DRG1: variants seen among roughly 807,000 people sequenced by gnomAD.
DRG1 encodes developmentally regulated GTP binding protein 1, also known as developmentally-regulated GTP-binding protein 1.
Under a neutral mutation model 38.8 loss-of-function variants are expected in DRG1, and 19 were observed. The ratio of observed to expected loss-of-function variants is 0.49; its 90% CI spans 0.34 to 0.72. The LOEUF is 0.72. Ranked by LOEUF, DRG1 falls within the 30% of genes least tolerant of loss-of-function variation. The probability of loss-of-function intolerance (pLI) is 0.01; values close to 1 mark genes in which losing one functional copy is unlikely to be tolerated. For missense variants in DRG1, 299 were observed against 444.8 expected (o/e 0.67, Z 2.95); for synonymous variants, 167 against 157.5 (o/e 1.06, Z -0.45).
At chr22:31,419,284 T>C (rs1410403772) in intron 4 of DRG1, among the ~76,000 whole-genome samples, 1 of 151,790 alleles carries the variant, frequency 6.6e-6, no homozygotes, top group Admixed American at 6.6e-5. Context: ...GTCTAGGCAA[T>C]AGAGCGAGAC....
chr22:31,430,221 C>T (rs1036898655), intron 8 of DRG1, among the ~76,000 whole-genome samples: 7 of 152,066 alleles, frequency 4.6e-5, no homozygotes, highest in African/African-American at 1.7e-4. Context: ...CCTGTAGGCC[C>T]TCTCAGCAAA....
rs1313277118 is a variant in DRG1 at position 31,420,404 on chromosome 22, A to T, written c.561A>T (p.Gly187=). ...PNIGFKKKDK[G]GINLTATCPQ... Reference sequence around the variant, plus strand: ...TTGGCTTTAAGAAGAAGGACAAGGGAGGCATTAATCTCACAGCCACTGTAA... The same window carrying T: ...TTGGCTTTAAGAAGAAGGACAAGGGTGGCATTAATCTCACAGCCACTGTAA... The change falls in exon 5 of 9, where the codon GGA becomes GGT. Residue 187 remains glycine (G), a synonymous_variant. Transcript: ENST00000331457. The T allele has an allele frequency of 6.2e-7, 1 of 1,614,194 alleles. No homozygotes were observed. Among genetic ancestry groups the T allele is most frequent in the Non-Finnish European group, 8.5e-7 (1 of 1,180,038 alleles).
intron 8 of DRG1, among the ~76,000 whole-genome samples, chr22:31,433,443 G>T (rs2050152625): frequency 6.6e-6 from 1 of 151,908 alleles, no homozygotes; most frequent in African/African-American, 2.4e-5. Flanking sequence ...GCTAATTTTT[G>T]TATTTTTAGT....
At position 31,426,654 on chromosome 22, in the gene DRG1, C is replaced by T; in HGVS notation, c.753C>T (p.Asp251=). The T allele has an allele frequency of 6.2e-7, 1 of 1,613,844 alleles. No homozygotes were observed. Among genetic ancestry groups the T allele is most frequent in the Non-Finnish European group, 8.5e-7 (1 of 1,179,928 alleles). ...IPCIYVLNKI[D]QISIEELDII... ...GTATCTATGTGTTAAATAAGATTGA[C>T]CAAATCTCCATTGAGGAATTGGATA... The change falls in exon 7 of 9, where the codon GAC becomes GAT. Residue 251 remains aspartate, a synonymous_variant. Transcript: ENST00000331457.
chr22:31,428,464 C>T (rs546943133), intron 8 of DRG1, among the ~76,000 whole-genome samples: 8 of 152,276 alleles, frequency 5.3e-5, no homozygotes, highest in African/African-American at 1.9e-4. Context: ...CTGCCCGCCT[C>T]GGCCTCCCAA....
intron 3 of DRG1, among the ~76,000 whole-genome samples, chr22:31,403,977 C>CGTTT (rs1569044983): frequency 1.2e-5 from 1 of 81,804 alleles, no homozygotes. Context: ...AAGAGAATAA[C>CGTTT]TTTTTTTTTT....
chr22:31,433,272 AT>A (rs695603), intron 8 of DRG1, among the ~76,000 whole-genome samples: 4,458 of 132,560 alleles, frequency 0.034, 121 homozygotes, highest in Admixed American at 0.085. Flanking sequence ...TTAAAGACGG[AT>A]TTTTTTTTTT....
intron 4 of DRG1, among the ~76,000 whole-genome samples, chr22:31,418,559 G>T (rs2081867189): frequency 6.6e-6 from 1 of 152,076 alleles, no homozygotes; most frequent in Non-Finnish European, 1.5e-5. Context: ...GCTGGCTGGA[G>T]TGCAGTGGCA....
intron 8 of DRG1, among the ~76,000 whole-genome samples, chr22:31,428,715 G>A (rs1273838848): frequency 2.0e-5 from 3 of 152,160 alleles, no homozygotes; most frequent in Admixed American, 2.0e-4. Context: ...TTGTAGTCTT[G>A]TGTTCTAGTC....
At chr22:31,426,901 T>C (rs182741152) in intron 7 of DRG1, 119 bp downstream of exon 7, 1 of 1,488,992 alleles carries the variant, frequency 6.7e-7, no homozygotes, top group East Asian at 2.3e-5. Context: ...GTAAATTGGT[T>C]CCTATTATCT....
intron 3 of DRG1, among the ~76,000 whole-genome samples, chr22:31,409,336 C>T (rs868678620): frequency 9.9e-4 from 151 of 152,178 alleles, no homozygotes; most frequent in African/African-American, 3.4e-3. Context: ...CTGCCTGCTT[C>T]GGCCTCTGGG....
At chr22:31,432,045 T>TTG (rs1311823584) in intron 8 of DRG1, among the ~76,000 whole-genome samples, 2 of 151,362 alleles carry the variant, frequency 1.3e-5, no homozygotes, top group African/African-American at 4.8e-5. Flanking sequence ...TTTTACTGTT[T>TTG]TTTTTTTTTT....
intron 2 of DRG1, among the ~76,000 whole-genome samples, chr22:31,402,096 T>C (rs1019548204): frequency 6.6e-6 from 1 of 151,976 alleles, no homozygotes; most frequent in Non-Finnish European, 1.5e-5. Flanking sequence ...TTATATTGGC[T>C]TACAGAAATG....
At chr22:31,425,479 C>T (rs1349093826) in intron 6 of DRG1, among the ~76,000 whole-genome samples, 2 of 146,990 alleles carry the variant, frequency 1.4e-5, no homozygotes, top group Non-Finnish European at 3.0e-5. Flanking sequence ...ATGCTCTTGT[C>T]GCCCAGGCTG....
At chr22:31,414,661 T>C (rs1370272717) in intron 4 of DRG1, among the ~76,000 whole-genome samples, 6 of 152,166 alleles carry the variant, frequency 3.9e-5, no homozygotes, top group Non-Finnish European at 1.5e-5. Context: ...ACTCTTTTTT[T>C]CCCCCTTTTT....
chr22:31,410,923 A>T, intron 3 of DRG1, 89 bp from the exon 4 acceptor site: 3 of 1,348,080 alleles, frequency 2.2e-6, no homozygotes, highest in Non-Finnish European at 2.1e-6. Flanking sequence ...AATTATAGGT[A>T]CTTGAGAAAT....
intron 4 of DRG1, among the ~76,000 whole-genome samples, chr22:31,419,810 G>A (rs930278255): frequency 3.9e-5 from 6 of 152,188 alleles, no homozygotes; most frequent in African/African-American, 1.4e-4. Context: ...TTGGGAGGCT[G>A]AGGTGGGCGG....
chr22:31,413,577 A>G (rs957227536), intron 4 of DRG1, among the ~76,000 whole-genome samples: 4 of 113,204 alleles, frequency 3.5e-5, no homozygotes, highest in Non-Finnish European at 7.4e-5. Flanking sequence ...TCATGGATGC[A>G]TTATTTTCTC....
In DRG1 at chr22:31,426,899, G is replaced by T; in HGVS notation, c.881+117G>T. ...TCTTTTTGAAAATATAAGTAAATTG[G>T]TTCCTATTATCTACTAGGTCATTAG... is the stretch of plus-strand genomic sequence containing the variant. On this transcript the variant is annotated intron_variant, in intron 7 of 8. Transcript: ENST00000331457. The T allele has an allele frequency of 2.7e-6, 4 of 1,493,318 alleles. No individual in the cohort carries two copies. The South Asian group carries it at 5.3e-5, about 20-fold the overall frequency. The allele number at this position is 1,493,318 out of a possible 1,614,324, so 92.5% of individuals were successfully genotyped here.
Sources: allele counts gnomAD v4.1 joint callset (sites outside exome capture counted in the v4.1 genomes callset), GRCh38; gene constraint gnomAD v4.1.1; transcripts MANE v1.5; gene names NCBI Gene and HGNC (gene_info 2026-07-23, HGNC 2026-07-21).